SYNPO2: variants seen among roughly 807,000 people sequenced by gnomAD.
SYNPO2 encodes synaptopodin-2.
In SYNPO2, 56 loss-of-function variants were observed where a neutral mutation model predicts 85.0. The observed-to-expected ratio is 0.66, with a 90% CI of 0.53 to 0.82. The LOEUF (loss-of-function observed/expected upper bound fraction) is 0.82. Ranked by LOEUF, SYNPO2 falls within the 40% of genes least tolerant of loss-of-function variation. The pLI, the probability that SYNPO2 is intolerant of heterozygous loss-of-function variation, is 0.00. For synonymous variants in SYNPO2, 602 were observed against 591.1 expected (o/e 1.02, Z -0.27); for missense variants, 1,575 against 1,534.2 (o/e 1.03, Z -0.44).
At chr4:119,054,980 G>A (rs916746268) in intron 4 of SYNPO2, among the ~76,000 whole-genome samples, 1 of 152,082 alleles carries the variant, frequency 6.6e-6, no homozygotes, top group Non-Finnish European at 1.5e-5. Context: ...TCCACAGAAA[G>A]GACAAAAGTG....
At chr4:118,852,032 T>C (rs1731428871) in intron 1 of SYNPO2, among the ~76,000 whole-genome samples, 1 of 152,220 alleles carries the variant, frequency 6.6e-6, no homozygotes, top group South Asian at 2.1e-4. Context: ...TTAAAATTCA[T>C]TGGTCTATCA....
rs375279463 is a variant in SYNPO2, at chr4:119,030,711, C to T, written c.1936C>T (p.Pro646Ser). Reference protein sequence around the residue: ...VSSPIAGPAQPPPWPQPAPWS... With the variant: ...VSSPIAGPAQSPPWPQPAPWS... ...AAGTCCGATTGCTGGCCCAGCACAG[C>T]CCCCTCCATGGCCCCAGCCTGCCCC... The change falls in exon 4 of 5, where the codon CCC becomes TCC. Residue 646 changes from proline (P) to serine (S), a missense_variant. By Grantham distance (74) the Pro-to-Ser change is moderately conservative. Coordinates refer to ENST00000307142, the MANE Select transcript of SYNPO2 (RefSeq NM_133477.3). The T allele has an allele frequency of 3.7e-6, 6 of 1,614,074 alleles. No individual in the cohort carries two copies. The African/African-American group carries it at 6.7e-5, about 18-fold the overall frequency.
At position 118,927,773 on chromosome 4, in the gene SYNPO2, AGAT is replaced by A. The variant is rs371382540; in HGVS notation, c.105+38636_105+38638del. Among the ~76,000 whole-genome samples the A allele has an allele frequency of 8.3e-3, 301 of 36,484 alleles. 1 individual carries two copies. Among genetic ancestry groups the A allele is most frequent in the African/African-American group, 0.021 (259 of 12,338 alleles). The allele number at this position is 36,484 out of a possible 152,430, so 23.9% of individuals were successfully genotyped here. ...ATGATAGATAGATATATAGATAGAT[AGAT>A]GATAGATAGATAGATAGATAGATAG... On this transcript the variant is annotated intron_variant, in intron 1 of 4. Coordinates refer to ENST00000307142, the MANE Select transcript of SYNPO2 (RefSeq NM_133477.3).
rs185244776 is a variant in SYNPO2, at chr4:119,056,936, T to G, written c.3253-465T>G. Among the ~76,000 whole-genome samples, 74 of 152,338 alleles carry G rather than the reference T, an allele frequency of 4.9e-4. 1 individual carries two copies. The highest frequency in any genetic ancestry group is 4.8e-3 in the Admixed American group (74 of 15,304). ...GGGAAGAGTAAAAAGCTCAGTAATG[T>G]ACAGCTTGTTTCTGAGGTTATCAAT... On this transcript the variant is annotated intron_variant, in intron 4 of 4. Coordinates refer to ENST00000307142, the MANE Select transcript of SYNPO2 (RefSeq NM_133477.3).
At chr4:119,007,264 A>ATGTATATACATATATATG in intron 1 of SYNPO2, among the ~76,000 whole-genome samples, 1 of 76,510 alleles carries the variant, frequency 1.3e-5, no homozygotes. Context: ...ATATATATAT[A>ATGTATATACATATATATG]TATATATATA....
Position 119,047,142 on chromosome 4 carries a change from C to T in SYNPO2, c.3253-10259C>T, listed in dbSNP as rs540999436. Among the ~76,000 whole-genome samples the T allele has an allele frequency of 7.9e-5, 12 of 152,268 alleles. No homozygotes were observed. The South Asian group carries it at 2.3e-3, about 29-fold the overall frequency. Reference sequence around the variant, plus strand: ...ATGGCACAATCTCAGCTCACTGCAACCTCTGCCTCCCGGGTTCCAGCGATT... The same window carrying T: ...ATGGCACAATCTCAGCTCACTGCAATCTCTGCCTCCCGGGTTCCAGCGATT... On this transcript the variant is annotated intron_variant, in intron 4 of 4. Transcript: ENST00000307142.
chr4:118,972,999 G>A (rs772379891), intron 1 of SYNPO2, among the ~76,000 whole-genome samples: 3 of 152,120 alleles, frequency 2.0e-5, no homozygotes, highest in South Asian at 4.1e-4. Context: ...CTCAACTTAT[G>A]ATGTTTCAAC....
At chr4:118,882,673 A>G (rs968322516) in intron 1 of SYNPO2, among the ~76,000 whole-genome samples, 1 of 152,202 alleles carries the variant, frequency 6.6e-6, no homozygotes, top group Admixed American at 6.5e-5. Context: ...TTTAATAGAC[A>G]TGTATCCTAA....
intron 1 of SYNPO2, among the ~76,000 whole-genome samples, chr4:118,946,398 A>G (rs1489347588): frequency 1.3e-5 from 2 of 152,216 alleles, no homozygotes; most frequent in African/African-American, 4.8e-5. Context: ...GTGACCTCCC[A>G]TACTATTTTG....
intron 1 of SYNPO2, among the ~76,000 whole-genome samples, chr4:119,013,053 A>G (rs779824233): frequency 1.3e-5 from 2 of 152,150 alleles, no homozygotes; most frequent in Non-Finnish European, 1.5e-5. Flanking sequence ...GGTCTCTGAG[A>G]TACTTTCAGG....
intron 1 of SYNPO2, among the ~76,000 whole-genome samples, chr4:118,871,389 T>A (rs1731796731): frequency 6.6e-6 from 1 of 151,882 alleles, no homozygotes; most frequent in Admixed American, 6.6e-5. Context: ...TTCCAGATCC[T>A]GCACATATCA....
chr4:118,952,021 C>G (rs1734717308), intron 1 of SYNPO2, among the ~76,000 whole-genome samples: 1 of 152,184 alleles, frequency 6.6e-6, no homozygotes, highest in African/African-American at 2.4e-5. Context: ...GCTAGGCTTT[C>G]TCAGTCCCTT....
At chr4:119,004,378 A>T (rs13111499) in intron 1 of SYNPO2, among the ~76,000 whole-genome samples, 1 of 137,432 alleles carries the variant, frequency 7.3e-6, no homozygotes, top group Non-Finnish European at 1.6e-5. Flanking sequence ...CCTACCCCCT[A>T]CCCCCACCCC....
At chr4:118,912,947 G>A (rs1733190013) in intron 1 of SYNPO2, among the ~76,000 whole-genome samples, 1 of 152,110 alleles carries the variant, frequency 6.6e-6, no homozygotes, top group Non-Finnish European at 1.5e-5. Context: ...TTTCCAAGTT[G>A]GGTCTATGAC....
At chr4:118,948,405 T>C (rs1451488285) in intron 1 of SYNPO2, among the ~76,000 whole-genome samples, 1 of 152,252 alleles carries the variant, frequency 6.6e-6, no homozygotes, top group African/African-American at 2.4e-5. Context: ...AAAGAATCAA[T>C]GCCTATCAAT....
intron 1 of SYNPO2, among the ~76,000 whole-genome samples, chr4:119,001,382 C>T (rs957383693): frequency 2.0e-5 from 3 of 152,180 alleles, no homozygotes; most frequent in Non-Finnish European, 4.4e-5. Context: ...GAAATAAAAA[C>T]AGCACTTTAA....
rs1281246558 is a variant in SYNPO2 at position 119,057,762 on chromosome 4, A to G, written c.3614A>G (p.Asn1205Ser). The G allele has an allele frequency of 4.3e-6, 7 of 1,614,064 alleles. No individual in the cohort carries two copies. The highest frequency in any genetic ancestry group is 2.2e-5 in the East Asian group (1 of 44,892). Residue 1205 changes from asparagine to serine, a missense_variant, in exon 5 of 5, where the codon AAT becomes AGT. This residue lies in a region of SYNPO2 where 1,508 missense variants were observed against 1,446.8 expected (regional missense o/e 1.04). Coordinates refer to ENST00000307142, the MANE Select transcript of SYNPO2 (RefSeq NM_133477.3). The part of the protein sequence containing the change: ...GRQEYNVTAN[N>S]NMSTTSQYGS... ...CAAGAGTATAATGTCACAGCCAATAATAATATGTCCACCACCTCCCAATAT... is the reference window on the plus strand; with the variant it reads ...CAAGAGTATAATGTCACAGCCAATAGTAATATGTCCACCACCTCCCAATAT...
At chr4:118,876,709 CTTT>C (rs1731929576) in intron 1 of SYNPO2, among the ~76,000 whole-genome samples, 1 of 128,678 alleles carries the variant, frequency 7.8e-6, no homozygotes, top group Non-Finnish European at 1.7e-5. Flanking sequence ...TTCTTTCTTT[CTTT>C]CTTTCTTTCT....
intron 1 of SYNPO2, among the ~76,000 whole-genome samples, chr4:118,929,953 A>G (rs981512018): frequency 2.0e-5 from 3 of 152,156 alleles, no homozygotes; most frequent in African/African-American, 7.2e-5. Flanking sequence ...TACATCTTCA[A>G]TAGTATATTG....
Sources: allele counts gnomAD v4.1 joint callset (sites outside exome capture counted in the v4.1 genomes callset), GRCh38; gene constraint gnomAD v4.1.1; regional missense constraint gnomAD v4.1.1; transcripts MANE v1.5; gene names NCBI Gene and HGNC (gene_info 2026-07-23, HGNC 2026-07-21).